FAT4: variants seen among roughly 807,000 people sequenced by gnomAD.
The protein encoded by FAT4 is FAT atypical cadherin 4.
In FAT4, 84 loss-of-function variants were observed where a neutral mutation model predicts 303.9. That is an observed-to-expected ratio of 0.28 (90% confidence interval 0.23 to 0.33). The LOEUF (loss-of-function observed/expected upper bound fraction) is 0.33. Ranked by LOEUF, FAT4 falls within the 10% of genes least tolerant of loss-of-function variation. The pLI, the probability that FAT4 is intolerant of heterozygous loss-of-function variation, is 1.00. For synonymous variants in FAT4, 2,307 were observed against 2,298.8 expected, an observed-to-expected ratio of 1.00 and a Z score of -0.10; for missense variants, 6,005 against 6,146.8, an observed-to-expected ratio of 0.98 and a Z score of 0.77.
At chr4:125,406,353 G>A (rs12640965) in intron 3 of FAT4, among the ~76,000 whole-genome samples, 151,206 of 152,254 alleles carry the variant, frequency 0.99, 75,088 homozygotes, top group Middle Eastern at 1. Flanking sequence ...TGGTTTGTCT[G>A]TATGTGTGTC....
Position 125,320,882 on chromosome 4 carries a change from C to T in FAT4, c.4471C>T (p.Leu1491Phe), listed in dbSNP as rs374317713. The change falls in exon 2 of 18, where the codon CTC becomes TTC. Residue 1491 changes from leucine to phenylalanine, a missense_variant. By Grantham distance (22) the Leu-to-Phe change is conservative (BLOSUM62 0). Coordinates refer to ENST00000394329, the MANE Select transcript of FAT4 (RefSeq NM_001291303.3). The part of the protein sequence containing the change: ...NAEIDREFAN[L>F]FELTVKANDQ... ...TGAAATAGATCGGGAATTTGCTAATCTCTTTGAGTTGACTGTAAAAGCCAA... is the reference window on the plus strand; with the variant it reads ...TGAAATAGATCGGGAATTTGCTAATTTCTTTGAGTTGACTGTAAAAGCCAA... 58 of 1,614,040 alleles carry T rather than the reference C, an allele frequency of 3.6e-5. No homozygotes were observed. The highest frequency in any genetic ancestry group is 4.9e-5 in the Non-Finnish European group (58 of 1,180,008).
Position 125,319,289 on chromosome 4 carries a change from G to T in FAT4, c.2878G>T (p.Gly960Cys), listed in dbSNP as rs753480666. ...GCTTGGGCCCCTGGATGTTCATGCT[G>T]GCTCCTACCAAATAGAGATCTTGGC... ...SLLGPLDVHAGSYQIEILASD... is the reference protein window; with the variant it reads ...SLLGPLDVHACSYQIEILASD... Residue 960 changes from glycine (G) to cysteine (C), a missense_variant, in exon 2 of 18, where the codon GGC becomes TGC. Coordinates refer to ENST00000394329, the MANE Select transcript of FAT4 (RefSeq NM_001291303.3). 2 of 1,614,100 alleles carry T rather than the reference G, an allele frequency of 1.2e-6. No individual in the cohort carries two copies. Among genetic ancestry groups the T allele is most frequent in the Admixed American group, 3.3e-5 (2 of 60,026 alleles).
intron 2 of FAT4, among the ~76,000 whole-genome samples, chr4:125,381,127 A>G (rs992796221): frequency 4.6e-5 from 7 of 152,226 alleles, no homozygotes; most frequent in African/African-American, 1.7e-4. Context: ...GCAGTCATAT[A>G]AGGCCATCAG....
chr4:125,460,409 A>T (rs1032233251), intron 10 of FAT4, among the ~76,000 whole-genome samples: 13 of 152,066 alleles, frequency 8.5e-5, no homozygotes, highest in African/African-American at 3.1e-4. Context: ...CCAAATAGTG[A>T]TCTTTCCTGC....
intron 2 of FAT4, among the ~76,000 whole-genome samples, chr4:125,384,395 A>G (rs1463744462): frequency 6.6e-6 from 1 of 152,148 alleles, no homozygotes; most frequent in Non-Finnish European, 1.5e-5. Context: ...TTTAATTTTC[A>G]TATCTCAAAT....
intron 16 of FAT4, among the ~76,000 whole-genome samples, chr4:125,483,744 A>T (rs139717419): frequency 5.9e-5 from 9 of 152,162 alleles, no homozygotes; most frequent in Non-Finnish European, 1.2e-4. Context: ...CTTGGCAGGT[A>T]AAGAGAATAG....
chr4:125,328,059 G>A (rs1472901732), intron 2 of FAT4, among the ~76,000 whole-genome samples: 1 of 152,130 alleles, frequency 6.6e-6, no homozygotes, highest in African/African-American at 2.4e-5. Context: ...CTCGTGAGTG[G>A]AAATAGGAAA....
Position 125,330,229 on chromosome 4 carries a change from T to A in FAT4, c.5175+8643T>A, listed in dbSNP as rs532799338. Among the ~76,000 whole-genome samples, 10 of 152,232 alleles carry A rather than the reference T, an allele frequency of 6.6e-5. No individual in the cohort carries two copies. In the South Asian group the frequency reaches 2.1e-3, roughly 32 times the overall value. On this transcript the variant is annotated intron_variant, in intron 2 of 17. Transcript: ENST00000394329. ...CTCCCATACTTCAAGTATTTTTTTT[T>A]ATCTCACATTGCAAATTAGGCTAAA...
intron 7 of FAT4, among the ~76,000 whole-genome samples, chr4:125,427,526 GTGT>G (rs1369498883): frequency 1.3e-5 from 2 of 151,078 alleles, no homozygotes; most frequent in African/African-American, 2.4e-5. Flanking sequence ...AAATACAGAA[GTGT>G]TGTTAATATT....
intron 2 of FAT4, among the ~76,000 whole-genome samples, chr4:125,327,696 T>A (rs545894130): frequency 6.6e-6 from 1 of 152,362 alleles, no homozygotes; most frequent in Admixed American, 6.5e-5. Flanking sequence ...TAACTCATCT[T>A]CCAATGAATT....
At chr4:125,406,399 C>T (rs1045079021) in intron 3 of FAT4, among the ~76,000 whole-genome samples, 1 of 152,070 alleles carries the variant, frequency 6.6e-6, no homozygotes, top group Admixed American at 6.6e-5. Flanking sequence ...ATTACTGTAA[C>T]TTTGTAGTAT....
At chr4:125,398,074 A>C (rs1476608829) in intron 2 of FAT4, among the ~76,000 whole-genome samples, 1 of 152,212 alleles carries the variant, frequency 6.6e-6, no homozygotes, top group Non-Finnish European at 1.5e-5. Context: ...TTATTATTTT[A>C]TACTTCACAA....
intron 2 of FAT4, among the ~76,000 whole-genome samples, chr4:125,385,691 A>G (rs1426042921): frequency 1.3e-5 from 2 of 152,124 alleles, no homozygotes; most frequent in Non-Finnish European, 2.9e-5. Flanking sequence ...AGTATTTATA[A>G]TTGATGGCTT....
At position 125,319,687 on chromosome 4, in the gene FAT4, T is replaced by C. The variant is rs747560285; in HGVS notation, c.3276T>C (p.Asp1092=). 1.9e-6 allele frequency: 3 copies of C among 1,614,014 alleles called. No homozygotes were observed. Among genetic ancestry groups the C allele is most frequent in the African/African-American group, 1.3e-5 (1 of 74,938 alleles). The stretch of plus-strand genomic sequence containing the variant: ...TGAATGTTACTGTAATTTTAGAAGA[T>C]GTAAATGATAACAGACCTCTTTTTA... The part of the protein sequence containing the change: ...ATVNVTVILE[D]VNDNRPLFNS... Residue 1092 remains aspartate (D), a synonymous_variant, in exon 2 of 18, where the codon GAT becomes GAC. Coordinates refer to ENST00000394329, the MANE Select transcript of FAT4 (RefSeq NM_001291303.3).
At position 125,416,547 on chromosome 4, in the gene FAT4, G is replaced by A. The variant is rs1344974285; in HGVS notation, c.6943G>A (p.Glu2315Lys). 3 of 1,613,902 alleles carry A rather than the reference G, an allele frequency of 1.9e-6. No homozygotes were observed. Among genetic ancestry groups the A allele is most frequent in the African/African-American group, 2.7e-5 (2 of 74,898 alleles). Residue 2315 changes from glutamate (E) to lysine (K), a missense_variant, in exon 7 of 18, where the codon GAA (glutamate) becomes AAA (lysine). By Grantham distance (56) the Glu-to-Lys change is moderately conservative. Coordinates refer to ENST00000394329, the MANE Select transcript of FAT4 (RefSeq NM_001291303.3). Reference sequence around the variant, plus strand: ...TGCTTTTACTCTCTCAGCCAGTGGAGAACTTGGAGTAACACAGAGTCTGGA... The same window carrying A: ...TGCTTTTACTCTCTCAGCCAGTGGAAAACTTGGAGTAACACAGAGTCTGGA... Reference protein sequence around the residue: ...DNAFTLSASGELGVTQSLDRE... With the variant: ...DNAFTLSASGKLGVTQSLDRE...
At position 125,364,682 on chromosome 4, in the gene FAT4, A is replaced by T. The variant is rs537408725; in HGVS notation, c.5176-34102A>T. ...CATAAATGCCATGAGCTGGAAACGC[A>T]TACAACTCTGTATAACTGAAGGAAG... is the stretch of plus-strand genomic sequence containing the variant. On this transcript the variant is annotated intron_variant, in intron 2 of 17. Coordinates refer to ENST00000394329, the MANE Select transcript of FAT4 (RefSeq NM_001291303.3). Among the ~76,000 whole-genome samples the T allele has an allele frequency of 3.9e-5, 6 of 152,234 alleles. 1 individual carries two copies. The South Asian group carries it at 1.2e-3, about 32-fold the overall frequency.
At chr4:125,406,329 C>T (rs924695785) in intron 3 of FAT4, among the ~76,000 whole-genome samples, 20 of 152,040 alleles carry the variant, frequency 1.3e-4, no homozygotes, top group African/African-American at 4.1e-4. Flanking sequence ...TATTTATAGG[C>T]GTTCTAGTCT....
intron 2 of FAT4, among the ~76,000 whole-genome samples, chr4:125,362,576 C>G (rs1447748054): frequency 2.0e-5 from 3 of 152,136 alleles, no homozygotes; most frequent in African/African-American, 7.2e-5. Flanking sequence ...TAGAGATATA[C>G]AGATTTACAT....
chr4:125,392,441 C>G (rs1734010288), intron 2 of FAT4, among the ~76,000 whole-genome samples: 1 of 152,126 alleles, frequency 6.6e-6, no homozygotes. Flanking sequence ...TGTACAGTTT[C>G]TGTCTATCCT....
Sources: gnomAD v4.1 joint callset for allele counts (sites outside exome capture counted in the v4.1 genomes callset) on GRCh38, gnomAD v4.1.1 for gene constraint, MANE v1.5 for transcripts, NCBI Gene and HGNC (gene_info 2026-07-23, HGNC 2026-07-21) for gene names.